The following CCSER1 variants were observed in gnomAD, a reference collection of about 807,000 sequenced individuals.
CCSER1 encodes serine-rich coiled-coil domain-containing protein 1.
Under a neutral mutation model 82.0 loss-of-function variants are expected in CCSER1, and 41 were observed. The ratio of observed to expected loss-of-function variants is 0.50; its 90% CI spans 0.39 to 0.65. The LOEUF is 0.65. CCSER1 is among the 30% of genes least tolerant of loss of function. The pLI, the probability that CCSER1 is intolerant of heterozygous loss-of-function variation, is 0.00. For missense variants in CCSER1, 1,119 were observed against 1,064.2 expected, an observed-to-expected ratio of 1.05 and a Z score of -0.72; for synonymous variants, 414 against 383.9, an observed-to-expected ratio of 1.08 and a Z score of -0.92.
intron 7 of CCSER1, among the ~76,000 whole-genome samples, chr4:90,768,467 T>C (rs1751596727): frequency 6.6e-6 from 1 of 152,212 alleles, no homozygotes; most frequent in Non-Finnish European, 1.5e-5. Flanking sequence ...TAACAACAGA[T>C]ACCTATATAG....
At chr4:91,390,213 T>C (rs1022618359) in intron 10 of CCSER1, among the ~76,000 whole-genome samples, 9 of 152,044 alleles carry the variant, frequency 5.9e-5, no homozygotes, top group African/African-American at 2.2e-4. Flanking sequence ...CTATTGCTTT[T>C]TTGATAAGAG....
At chr4:90,172,463 T>C (rs1369801441) in intron 1 of CCSER1, among the ~76,000 whole-genome samples, 1 of 151,860 alleles carries the variant, frequency 6.6e-6, no homozygotes, top group Non-Finnish European at 1.5e-5. Flanking sequence ...TAAGGCATAA[T>C]TGTATGAGCT....
chr4:90,322,969 G>A (rs1040713053), intron 3 of CCSER1, among the ~76,000 whole-genome samples: 4 of 152,176 alleles, frequency 2.6e-5, no homozygotes, highest in Non-Finnish European at 5.9e-5. Context: ...TCTTTAGTTA[G>A]CAAATGGTGA....
chr4:91,017,732 T>G (rs1739556443), intron 9 of CCSER1, among the ~76,000 whole-genome samples: 2 of 152,118 alleles, frequency 1.3e-5, no homozygotes, highest in African/African-American at 2.4e-5. Context: ...TTGTCTAAGT[T>G]TGTCACATAT....
intron 9 of CCSER1, among the ~76,000 whole-genome samples, chr4:91,030,661 A>G (rs550698003): frequency 2.0e-5 from 3 of 152,230 alleles, no homozygotes; most frequent in Admixed American, 2.0e-4. Flanking sequence ...GGTTTCAAAC[A>G]AATTGGTTTT....
At chr4:90,447,654 G>A (rs1304537230) in intron 4 of CCSER1, among the ~76,000 whole-genome samples, 3 of 152,036 alleles carry the variant, frequency 2.0e-5, no homozygotes, top group East Asian at 3.9e-4. Context: ...ATTGTATCTT[G>A]GTTTATATTG....
chr4:90,627,342 G>A (rs2148909077), intron 5 of CCSER1, among the ~76,000 whole-genome samples: 1 of 151,972 alleles, frequency 6.6e-6, no homozygotes, highest in South Asian at 2.1e-4. Flanking sequence ...AAGCGCCAGA[G>A]CATCTGTTTG....
At chr4:90,988,334 C>CAAAA (rs60408059) in intron 9 of CCSER1, among the ~76,000 whole-genome samples, 91 of 75,376 alleles carry the variant, frequency 1.2e-3, no homozygotes, top group South Asian at 2.3e-3. Context: ...TATCTTGTCT[C>CAAAA]AAAAAAAAAA....
At chr4:91,454,939 A>G (rs1756073078) in intron 10 of CCSER1, among the ~76,000 whole-genome samples, 1 of 152,054 alleles carries the variant, frequency 6.6e-6, no homozygotes, top group Non-Finnish European at 1.5e-5. Context: ...TTTCAACTGG[A>G]ATAGTAATTT....
intron 3 of CCSER1, among the ~76,000 whole-genome samples, chr4:90,391,485 T>TATATATATAC (rs1438072458): frequency 6.5e-5 from 5 of 76,652 alleles, no homozygotes; most frequent in South Asian, 4.0e-4. Context: ...TATATATATA[T>TATATATATAC]ACACACACAC....
At chr4:90,197,567 G>A (rs1736848376) in intron 1 of CCSER1, among the ~76,000 whole-genome samples, 1 of 152,086 alleles carries the variant, frequency 6.6e-6, no homozygotes, top group Non-Finnish European at 1.5e-5. Flanking sequence ...AAGGAAATGT[G>A]GTACATATAC....
intron 1 of CCSER1, among the ~76,000 whole-genome samples, chr4:90,156,550 G>T (rs1358325376): frequency 6.6e-6 from 1 of 152,022 alleles, no homozygotes; most frequent in Non-Finnish European, 1.5e-5. Flanking sequence ...TATGAATCTG[G>T]GTGCTCCTGT....
At chr4:91,301,357 AAGG>A (rs1380817073) in intron 10 of CCSER1, among the ~76,000 whole-genome samples, 4 of 151,772 alleles carry the variant, frequency 2.6e-5, no homozygotes, top group Admixed American at 1.3e-4. Flanking sequence ...CAATATTAAA[AAGG>A]AGAATTAATA....
At chr4:90,592,414 A>G (rs1234004128) in intron 5 of CCSER1, among the ~76,000 whole-genome samples, 1 of 152,128 alleles carries the variant, frequency 6.6e-6, no homozygotes, top group African/African-American at 2.4e-5. Context: ...AACAGCTTTA[A>G]AAATGTTTAT....
In CCSER1 at chr4:91,534,345, G is replaced by T. The variant is rs554167628; in HGVS notation, c.2218-64227G>T. Among the ~76,000 whole-genome samples the T allele has an allele frequency of 1.2e-4, 18 of 151,970 alleles. 1 individual carries two copies. In the South Asian group the frequency reaches 3.1e-3, roughly 26 times the overall value. On this transcript the variant is annotated intron_variant, in intron 10 of 10. Coordinates refer to ENST00000509176, the MANE Select transcript of CCSER1 (RefSeq NM_001145065.2). ...TTCCTTTCCAACCTAAGTTATAATG[G>T]TTTTAAGTATGTATCTAAATTTAAT... is the stretch of plus-strand genomic sequence containing the variant.
intron 1 of CCSER1, among the ~76,000 whole-genome samples, chr4:90,280,069 T>TA (rs1728594786): frequency 6.6e-6 from 1 of 151,968 alleles, no homozygotes; most frequent in South Asian, 2.1e-4. Context: ...CCCATGTTAA[T>TA]AAAATATGAA....
intron 3 of CCSER1, among the ~76,000 whole-genome samples, chr4:90,316,923 A>G (rs573894821): frequency 3.9e-5 from 6 of 152,214 alleles, no homozygotes; most frequent in African/African-American, 7.2e-5. Context: ...GAACAATTTG[A>G]TAAGTGTTCA....
chr4:90,810,519 C>T (rs937731994), intron 7 of CCSER1, among the ~76,000 whole-genome samples: 4 of 151,764 alleles, frequency 2.6e-5, no homozygotes, highest in Non-Finnish European at 4.4e-5. Context: ...TGTGGTGGCA[C>T]GTGCCTGTAA....
intron 5 of CCSER1, among the ~76,000 whole-genome samples, chr4:90,560,361 A>G (rs1318778661): frequency 6.6e-6 from 1 of 151,998 alleles, no homozygotes; most frequent in African/African-American, 2.4e-5. Flanking sequence ...CACTCTTTTG[A>G]AAGTGCCAGG....
Sources: gnomAD v4.1 joint callset for allele counts (sites outside exome capture counted in the v4.1 genomes callset) on GRCh38, gnomAD v4.1.1 for gene constraint, MANE v1.5 for transcripts, NCBI Gene and HGNC (gene_info 2026-07-23, HGNC 2026-07-21) for gene names.